Variants in IL2RG observed in about 807,000 individuals in gnomAD.
IL2RG encodes interleukin 2 receptor subunit gamma, also known as cytokine receptor common subunit gamma.
For synonymous variants in IL2RG, 111 were observed against 108.5 expected (o/e 1.02, Z -0.15); for missense variants, 205 against 272.9 (o/e 0.75, Z 1.75).
At chrX:71,107,957 G>C in intron 7 of IL2RG, 36 bp from the exon 8 acceptor site, 1 of 1,103,149 alleles carries the variant, frequency 9.1e-7, no homozygotes, top group Non-Finnish European at 1.3e-6. Flanking sequence ...GGGTCAATTA[G>C]GGGCAGGAAG....
intron 7 of IL2RG, 96 bp from the exon 8 acceptor site, chrX:71,108,017 C>G (rs959956697): frequency 4.2e-5 from 30 of 707,599 alleles, no homozygotes; most frequent in Non-Finnish European, 6.3e-5. Flanking sequence ...TCTGCAACCA[C>G]TGTAATTGAT....
chrX:71,111,462 T>G lies in IL2RG; in HGVS notation c.78A>C (p.Thr26=). The change falls in exon 1 of 8, where the codon ACA becomes ACC. Residue 26 remains threonine (T), a synonymous_variant. Coordinates refer to ENST00000374202, the MANE Select transcript of IL2RG (RefSeq NM_000206.3). The part of the protein sequence containing the change: ...LPLLGVGLNT[T]ILTPNGNEDT... ...CTTCATTCCCATTGGGCGTCAGAAT[T>G]GTCGTGTTCAGCCCCACTCCCAGCA... 1 of 1,210,763 alleles carries G rather than the reference T, an allele frequency of 8.3e-7. No homozygotes were observed. The highest frequency in any genetic ancestry group is 1.7e-5 in the African/African-American group (1 of 57,615).
At chrX:71,110,820 A>C in intron 2 of IL2RG, 77 bp downstream of exon 2, 1 of 1,133,817 alleles carries the variant, frequency 8.8e-7, no homozygotes, top group Non-Finnish European at 1.2e-6. Flanking sequence ...GGTACCTGGG[A>C]GACTTGCTAC....
In IL2RG at chrX:71,107,692, T is replaced by G; in HGVS notation, c.*44A>C. ...TGAATGAAGGAAAGTTAGTACCACT[T>G]AGGGCTACAGGACCCTGGGGTTCTT... On this transcript the variant is annotated 3_prime_UTR_variant, in exon 8 of 8. Transcript: ENST00000374202. The G allele has an allele frequency of 9.6e-7, 1 of 1,037,302 alleles. No individual in the cohort carries two copies. Among genetic ancestry groups the G allele is most frequent in the Non-Finnish European group, 1.3e-6 (1 of 782,150 alleles). The allele number at this position is 1,037,302 out of a possible 1,213,427, so 85.5% of individuals were successfully genotyped here.
chrX:71,109,154 T>C (rs946877400), intron 5 of IL2RG, 74 bp downstream of exon 5: 3 of 1,043,635 alleles, frequency 2.9e-6, no homozygotes, highest in Admixed American at 2.2e-5. Flanking sequence ...GACAGGGAAG[T>C]GGAGCAAAAG....
Position 71,107,486 on chromosome X carries a change from A to G in IL2RG, c.*250T>C, listed in dbSNP as rs1326933658. 3.5e-6 allele frequency: 1 copy of G among 282,567 alleles called. No individual in the cohort carries two copies. Among genetic ancestry groups the G allele is most frequent in the Non-Finnish European group, 6.2e-6 (1 of 160,302 alleles). 23.3% of individuals were successfully genotyped at this position (282,567 alleles called of 1,213,427 possible). A position where few individuals can be genotyped will look rare whatever the true frequency, so the allele number is the denominator to read the frequency against. On this transcript the variant is annotated 3_prime_UTR_variant, in exon 8 of 8. Transcript: ENST00000374202. ...GTAGATGGAAAGAGGAAGGGAGGGA[A>G]AGAGGGAGGGAGGAAGAATCCTGCG...
chrX:71,108,277 C>G lies in IL2RG; in HGVS notation c.924G>C (p.Ser308=). 8.4e-7 allele frequency: 1 copy of G among 1,194,319 alleles called. No individual in the cohort carries two copies. Residue 308 remains serine, a splice_region_variant and synonymous_variant, in exon 7 of 8, where the codon TCG becomes TCC. Transcript: ENST00000374202. ...DLVTEYHGNF[S]AWSGVSKGLA... Reference sequence around the variant, plus strand: ...AGCATGCTTATGACAGCGTTCTCACCGAAAAGTTCCCGTGGTATTCAGTAA... The same window carrying G: ...AGCATGCTTATGACAGCGTTCTCACGGAAAAGTTCCCGTGGTATTCAGTAA...
chrX:71,111,342 C>G, intron 1 of IL2RG, 83 bp downstream of exon 1: 1 of 1,146,302 alleles, frequency 8.7e-7, no homozygotes. Context: ...ATTGTAATGG[C>G]CAGTGGCAGG....
At chrX:71,110,330 G>C (rs1569480004) in intron 3 of IL2RG, 35 bp from the exon 4 acceptor site, 1 of 1,202,702 alleles carries the variant, frequency 8.3e-7, no homozygotes, top group East Asian at 3.0e-5. Flanking sequence ...TCATTCCCCT[G>C]GCCTAGACAA....
intron 4 of IL2RG, 30 bp downstream of exon 4, chrX:71,110,126 G>A (rs762420284): frequency 8.3e-7 from 1 of 1,206,362 alleles, no homozygotes; most frequent in Non-Finnish European, 1.1e-6. Context: ...CTTGGCCTTA[G>A]CTGCTACATT....
intron 1 of IL2RG, 36 bp downstream of exon 1, chrX:71,111,389 C>G (rs2092263760): frequency 2.5e-6 from 3 of 1,207,341 alleles, no homozygotes; most frequent in Non-Finnish European, 3.4e-6. Context: ...CACAGCCACC[C>G]TTCTCACCAG....
At chrX:71,110,856 C>T (rs2092262163) in intron 2 of IL2RG, 41 bp downstream of exon 2, 1 of 1,195,676 alleles carries the variant, frequency 8.4e-7, no homozygotes, top group African/African-American at 1.8e-5. Flanking sequence ...CTGATCCAAC[C>T]CACCTCTTCT....
rs758693125 is a variant in IL2RG, at chrX:71,110,256, A to C, written c.494T>G (p.Leu165Arg). The change falls in exon 4 of 8, where the codon CTG becomes CGG. Residue 165 changes from leucine to arginine, a missense_variant. Transcript: ENST00000374202. ...WAPENLTLHK[L>R]SESQLELNWN... ...GTTCAGTTCTAGCTGGGATTCACTC[A>C]GTTTGTGAAGTGTTAGGTTCTCTGG... 57 of 1,208,060 alleles carry C rather than the reference A, an allele frequency of 4.7e-5. No individual in the cohort carries two copies. Among genetic ancestry groups the C allele is most frequent in the Middle Eastern group, 2.3e-4 (1 of 4,332 alleles).
At chrX:71,108,568 C>T (rs1395890988) in intron 6 of IL2RG, 31 bp downstream of exon 6, 1 of 1,044,857 alleles carries the variant, frequency 9.6e-7, no homozygotes, top group South Asian at 2.0e-5. Context: ...CTACCGTTCC[C>T]CTCATTTTTC....
At chrX:71,110,022 G>A (rs1569479970) in intron 4 of IL2RG, 134 bp downstream of exon 4, 2 of 609,573 alleles carry the variant, frequency 3.3e-6, no homozygotes, top group Non-Finnish European at 5.5e-6. Flanking sequence ...GGAGGAGGGA[G>A]GGTAGGGGGT....
intron 7 of IL2RG, 173 bp downstream of exon 7, chrX:71,108,104 C>G (rs1400291313): frequency 5.7e-6 from 3 of 527,499 alleles, no homozygotes; most frequent in Non-Finnish European, 1.0e-5. Context: ...ATCTGCACTT[C>G]TGTGTGTGTC....
At chrX:71,109,761 C>T (rs1358952692) in intron 4 of IL2RG, among the ~76,000 whole-genome samples, 1 of 109,217 alleles carries the variant, frequency 9.2e-6, no homozygotes, top group African/African-American at 3.3e-5. Flanking sequence ...ATGGCAAAAC[C>T]CTGTCTTTAC....
Position 71,108,600 on chromosome X carries a change from G to A in IL2RG, c.853C>T (p.Arg285Trp), listed in dbSNP as rs762171617. Reference protein sequence around the residue: ...SLLCVYFWLERTMPRIPTLKN... With the variant: ...SLLCVYFWLEWTMPRIPTLKN... ...TTTCTGGGCTTCTCCAAATCTCACC[G>A]TTCCAGCCAGAAATACACACAGAGA... is the stretch of plus-strand genomic sequence containing the variant. The change falls in exon 6 of 8, where the codon CGG (arginine) becomes TGG (tryptophan). Residue 285 changes from arginine to tryptophan, a missense_variant and splice_region_variant. Coordinates refer to ENST00000374202, the MANE Select transcript of IL2RG (RefSeq NM_000206.3). 7.6e-6 allele frequency: 9 copies of A among 1,177,524 alleles called. No individual in the cohort carries two copies. Among genetic ancestry groups the A allele is most frequent in the East Asian group, 3.1e-5 (1 of 31,993 alleles).
In IL2RG at chrX:71,107,750, TTA is replaced by T. The variant is rs776421306; in HGVS notation, c.1094_1095del (p.Leu365GlnfsTer3). The T allele has an allele frequency of 1.7e-6, 2 of 1,142,965 alleles. No homozygotes were observed. Among genetic ancestry groups the T allele is most frequent in the Non-Finnish European group, 2.3e-6 (2 of 862,234 alleles). The allele number at this position is 1,142,965 out of a possible 1,213,427, so 94.2% of individuals were successfully genotyped here. On this transcript the variant is annotated frameshift_variant, in exon 8 of 8. Coordinates refer to ENST00000374202, the MANE Select transcript of IL2RG (RefSeq NM_000206.3). LOFTEE classifies it high-confidence loss of function. ...AGGATTGGGGTTCAGGTTTCAGGCTTTAGGGTGTAACATGGGGGGGCCCAGTA... is the reference window on the plus strand; with the variant it reads ...AGGATTGGGGTTCAGGTTTCAGGCTTGGGTGTAACATGGGGGGGCCCAGTA... ...SPYWAPPCYT[L>X]KPET
Sources: allele counts gnomAD v4.1 joint callset (sites outside exome capture counted in the v4.1 genomes callset), GRCh38; gene constraint gnomAD v4.1.1; transcripts MANE v1.5; gene names NCBI Gene and HGNC (gene_info 2026-07-23, HGNC 2026-07-21).